The following OSBPL8 variants were observed in gnomAD, a reference collection of about 807,000 sequenced individuals.
The protein encoded by OSBPL8 is oxysterol-binding protein-related protein 8.
OSBPL8 carries 59 observed loss-of-function variants against 125.5 expected under a neutral mutation model. The observed-to-expected ratio is 0.47, with a 90% CI of 0.38 to 0.58. The LOEUF (loss-of-function observed/expected upper bound fraction) is 0.58, where lower values mean the gene tolerates loss of function less well. Ranked by LOEUF, OSBPL8 falls within the 20% of genes least tolerant of loss-of-function variation. OSBPL8 has a pLI of 0.00. For synonymous variants in OSBPL8, 330 were observed against 338.9 expected, an observed-to-expected ratio of 0.97 and a Z score of 0.29; for missense variants, 758 against 1,047.8, an observed-to-expected ratio of 0.72 and a Z score of 3.82.
intron 4 of OSBPL8, among the ~76,000 whole-genome samples, chr12:76,444,211 G>A (rs1421637573): frequency 6.6e-6 from 1 of 152,118 alleles, no homozygotes; most frequent in Non-Finnish European, 1.5e-5. Flanking sequence ...AATGAGAATA[G>A]ATGAAATTCT....
At chr12:76,383,825 T>C (rs936710887) in intron 15 of OSBPL8, among the ~76,000 whole-genome samples, 2 of 152,220 alleles carry the variant, frequency 1.3e-5, no homozygotes, top group Non-Finnish European at 2.9e-5. Flanking sequence ...TTTTTTGGTA[T>C]GTTATTTAGT....
chr12:76,454,863 A>C (rs2136771706), intron 3 of OSBPL8, among the ~76,000 whole-genome samples: 1 of 152,108 alleles, frequency 6.6e-6, no homozygotes, highest in African/African-American at 2.4e-5. Context: ...TAAAAAAAAG[A>C]CTTTTTAAAA....
chr12:76,448,929 C>T (rs867450386), intron 4 of OSBPL8, among the ~76,000 whole-genome samples: 2 of 152,302 alleles, frequency 1.3e-5, no homozygotes, highest in African/African-American at 4.8e-5. Flanking sequence ...AGGAGAATCG[C>T]TTGAACCCGG....
chr12:76,421,045 A>C (rs913958800), intron 4 of OSBPL8, among the ~76,000 whole-genome samples: 11 of 152,070 alleles, frequency 7.2e-5, no homozygotes, highest in African/African-American at 2.4e-4. Flanking sequence ...CTAATTAAAT[A>C]AGTACCAAAC....
chr12:76,396,055 G>A (rs980972034), intron 8 of OSBPL8, among the ~76,000 whole-genome samples: 2 of 150,138 alleles, frequency 1.3e-5, no homozygotes, highest in Non-Finnish European at 3.0e-5. Context: ...TATATATATG[G>A]TATTTATATG....
At chr12:76,491,891 CT>C (rs1878756962) in intron 1 of OSBPL8, among the ~76,000 whole-genome samples, 1 of 151,996 alleles carries the variant, frequency 6.6e-6, no homozygotes, top group Admixed American at 6.6e-5. Flanking sequence ...TCATAAGCAG[CT>C]TTTACTTTGA....
At chr12:76,376,882 C>T (rs1952838636) in intron 16 of OSBPL8, among the ~76,000 whole-genome samples, 1 of 152,024 alleles carries the variant, frequency 6.6e-6, no homozygotes, top group South Asian at 2.1e-4. Flanking sequence ...CCTATCAACC[C>T]ATCATCTACA....
Position 76,432,857 on chromosome 12 carries a change from TTAA to T in OSBPL8, c.217+17991_217+17993del, listed in dbSNP as rs145161786. The stretch of plus-strand genomic sequence containing the variant: ...GAACAACTATACACATGATGTATAC[TTAA>T]TAAAATATTGGCAAACAGAATTCAA... On this transcript the variant is annotated intron_variant, in intron 4 of 23. Coordinates refer to ENST00000261183, the MANE Select transcript of OSBPL8 (RefSeq NM_020841.5). Among the ~76,000 whole-genome samples the T allele has an allele frequency of 4.4e-3, 667 of 152,284 alleles. 3 individuals are homozygous for T. Among genetic ancestry groups the T allele is most frequent in the Middle Eastern group, 0.02 (6 of 294 alleles).
rs1343825391 is a variant in OSBPL8 at position 76,355,291 on chromosome 12, T to A, written c.*598A>T. 6.6e-6 allele frequency: 1 copy of A among 152,532 alleles called. No homozygotes were observed. The highest frequency in any genetic ancestry group is 1.5e-5 in the Non-Finnish European group (1 of 67,978). The allele number at this position is 152,532 out of a possible 1,614,324, so 9.4% of individuals were successfully genotyped here. ...TTATGTAAACTTTTAAAAAAGCAATTTGCCATTTATCTCTCTCGATGTATT... is the reference window on the plus strand; with the variant it reads ...TTATGTAAACTTTTAAAAAAGCAATATGCCATTTATCTCTCTCGATGTATT... On this transcript the variant is annotated 3_prime_UTR_variant, in exon 24 of 24. Transcript: ENST00000261183.
At position 76,487,563 on chromosome 12, in the gene OSBPL8, A is replaced by G; in HGVS notation, c.-12T>C. The G allele has an allele frequency of 1.3e-6, 2 of 1,599,584 alleles. No individual in the cohort carries two copies. Among genetic ancestry groups the G allele is most frequent in the Non-Finnish European group, 1.7e-6 (2 of 1,174,850 alleles). On this transcript the variant is annotated 5_prime_UTR_variant, in exon 2 of 24. Transcript: ENST00000261183. The stretch of plus-strand genomic sequence containing the variant: ...AAACCTCCCTCCATAATGAAAGAAG[A>G]TAGGTTTATGCTTCTCTTTCCATTA...
chr12:76,475,535 A>C lies in OSBPL8; in HGVS notation c.42+11975T>G, dbSNP rs375177982. 7.6e-4 allele frequency among the ~76,000 whole-genome samples: 116 copies of C among 152,328 alleles called. 2 individuals are homozygous for C. Among genetic ancestry groups the C allele is most frequent in the African/African-American group, 2.6e-3 (106 of 41,568 alleles). Reference sequence around the variant, plus strand: ...GTGTATCACATGTGACAAAGATCTTAATATGAATTAACTGTGCAACAGTTC... The same window carrying C: ...GTGTATCACATGTGACAAAGATCTTCATATGAATTAACTGTGCAACAGTTC... On this transcript the variant is annotated intron_variant, in intron 2 of 23. Coordinates refer to ENST00000261183, the MANE Select transcript of OSBPL8 (RefSeq NM_020841.5).
At chr12:76,362,720 T>C (rs528999490) in intron 21 of OSBPL8, among the ~76,000 whole-genome samples, 2 of 152,290 alleles carry the variant, frequency 1.3e-5, no homozygotes, top group African/African-American at 4.8e-5. Context: ...GGTATTCAAA[T>C]AGGAGAAGAG....
At chr12:76,445,279 T>C (rs1355700241) in intron 4 of OSBPL8, among the ~76,000 whole-genome samples, 1 of 152,144 alleles carries the variant, frequency 6.6e-6, no homozygotes, top group Admixed American at 6.6e-5. Context: ...ACTTTATAAC[T>C]TCTAAAAGAA....
At chr12:76,537,497 T>G (rs1950529598) in intron 1 of OSBPL8, among the ~76,000 whole-genome samples, 1 of 152,188 alleles carries the variant, frequency 6.6e-6, no homozygotes, top group Non-Finnish European at 1.5e-5. Flanking sequence ...GTCTTATCAC[T>G]GAGAAGAGAT....
intron 4 of OSBPL8, among the ~76,000 whole-genome samples, chr12:76,440,433 C>T (rs532537375): frequency 2.0e-5 from 3 of 152,074 alleles, no homozygotes; most frequent in Non-Finnish European, 4.4e-5. Context: ...AGCTCATATA[C>T]ACTTCTTTGA....
intron 2 of OSBPL8, among the ~76,000 whole-genome samples, chr12:76,483,113 A>G (rs1444098551): frequency 6.6e-6 from 1 of 152,080 alleles, no homozygotes; most frequent in Non-Finnish European, 1.5e-5. Flanking sequence ...TACAAAAATT[A>G]GCCAGGCATG....
chr12:76,433,317 G>A (rs557206580), intron 4 of OSBPL8, among the ~76,000 whole-genome samples: 48 of 152,142 alleles, frequency 3.2e-4, no homozygotes, highest in Middle Eastern at 3.4e-3. Flanking sequence ...AATCATACAC[G>A]TAGAAAACCC....
At chr12:76,500,292 C>T (rs1879767930) in intron 1 of OSBPL8, among the ~76,000 whole-genome samples, 1 of 152,162 alleles carries the variant, frequency 6.6e-6, no homozygotes, top group Non-Finnish European at 1.5e-5. Flanking sequence ...CTTCATAGAT[C>T]CTATTCTTAT....
At chr12:76,429,346 T>C (rs1318728271) in intron 4 of OSBPL8, among the ~76,000 whole-genome samples, 13 of 149,960 alleles carry the variant, frequency 8.7e-5, no homozygotes, top group Non-Finnish European at 3.0e-5. Flanking sequence ...TTGGGAACTA[T>C]GTTAGGCACA....
Sources: allele counts gnomAD v4.1 joint callset (sites outside exome capture counted in the v4.1 genomes callset), GRCh38; gene constraint gnomAD v4.1.1; transcripts MANE v1.5; gene names NCBI Gene and HGNC (gene_info 2026-07-23, HGNC 2026-07-21).